PRKCE: variants seen among roughly 807,000 people sequenced by gnomAD.
PRKCE encodes protein kinase C epsilon type.
Under a neutral mutation model 85.4 loss-of-function variants are expected in PRKCE, and 16 were observed. The observed-to-expected ratio is 0.19, with a 90% CI of 0.13 to 0.28. The LOEUF is 0.28. Ranked by LOEUF, PRKCE falls within the 10% of genes least tolerant of loss-of-function variation. The pLI is 1.00. For missense variants in PRKCE, 573 were observed against 975.2 expected (o/e 0.59, Z 5.49); for synonymous variants, 388 against 371.5 (o/e 1.04, Z -0.51).
rs1456346504 is a variant in PRKCE, at chr2:46,184,481, T to C, written c.2068-254T>C. Among the ~76,000 whole-genome samples, 1 of 151,304 alleles carries C rather than the reference T, an allele frequency of 6.6e-6. No individual in the cohort carries two copies. The highest frequency in any genetic ancestry group is 6.6e-5 in the Admixed American group (1 of 15,218). On this transcript the variant is annotated intron_variant, in intron 14 of 14. Transcript: ENST00000306156. The surrounding 1 kb of genome is among the most constrained non-coding windows in gnomAD (Gnocchi z 5.0). ...CACACACGTCTGTGGGAATCCCACT[T>C]CCCTGCTTTTCCATCATACCCTCTC...
At chr2:45,847,241 G>C (rs538000542) in intron 2 of PRKCE, among the ~76,000 whole-genome samples, 1 of 152,342 alleles carries the variant, frequency 6.6e-6, no homozygotes, top group East Asian at 1.9e-4. Context: ...CTTAATGCTA[G>C]AGGCTTCTCC....
intron 6 of PRKCE, among the ~76,000 whole-genome samples, chr2:45,985,655 A>C (rs1015178172): frequency 6.6e-6 from 1 of 152,210 alleles, no homozygotes; most frequent in African/African-American, 2.4e-5. Flanking sequence ...TCAGGGCTGC[A>C]GTGGGAATGA....
rs1664871927 is a variant in PRKCE, at chr2:45,673,928, C to T, written c.348+21480C>T. 2.0e-5 allele frequency among the ~76,000 whole-genome samples: 3 copies of T among 152,324 alleles called. No homozygotes were observed. The South Asian group carries it at 6.2e-4, about 32-fold the overall frequency. On this transcript the variant is annotated intron_variant, in intron 1 of 14. Coordinates refer to ENST00000306156, the MANE Select transcript of PRKCE (RefSeq NM_005400.3). ...AGAGACCCACTCTTCCTCCTCTTTC[C>T]TGAATCAGGTCAGGGTGAATATTAT...
rs764998130 is a variant in PRKCE, at chr2:46,145,068, A to T, written c.1593-25A>T. ...ATATTGGGGTGAGTGACGTATTGAC[A>T]TTATGGTCCTGGCCTATCTTGCAGG... On this transcript the variant is annotated intron_variant, in intron 11 of 14. Transcript: ENST00000306156. This position sits in a 1 kb window ranked among gnomAD's most constrained non-coding sequence, Gnocchi z 4.6. 7 of 1,599,590 alleles carry T rather than the reference A, an allele frequency of 4.4e-6. No homozygotes were observed. The Admixed American group carries it at 1.2e-4, about 27-fold the overall frequency.
chr2:46,080,655 A>T (rs1668984316), intron 10 of PRKCE, among the ~76,000 whole-genome samples: 1 of 152,200 alleles, frequency 6.6e-6, no homozygotes, highest in South Asian at 2.1e-4. Context: ...TGCTCCCTGG[A>T]GTGAAGGTTG....
chr2:45,849,175 G>C (rs988300957), intron 2 of PRKCE, among the ~76,000 whole-genome samples: 1 of 152,210 alleles, frequency 6.6e-6, no homozygotes, highest in Non-Finnish European at 1.5e-5. Context: ...GAAGATTGAA[G>C]GCAGTTCCTT....
intron 11 of PRKCE, among the ~76,000 whole-genome samples, chr2:46,097,830 C>G (rs1670855097): frequency 6.6e-6 from 1 of 152,178 alleles, no homozygotes; most frequent in African/African-American, 2.4e-5. Flanking sequence ...ATCTTTATCC[C>G]AAACTGATTC....
At chr2:45,862,606 G>A (rs1693257020) in intron 2 of PRKCE, among the ~76,000 whole-genome samples, 1 of 152,188 alleles carries the variant, frequency 6.6e-6, no homozygotes, top group African/African-American at 2.4e-5. Flanking sequence ...CTGGAGCTGG[G>A]CTCAGTCACT....
chr2:45,786,273 T>G lies in PRKCE; in HGVS notation c.349-56727T>G, dbSNP rs962603055. Among the ~76,000 whole-genome samples the G allele has an allele frequency of 7.9e-5, 12 of 152,326 alleles. No homozygotes were observed. Among genetic ancestry groups the G allele is most frequent in the Non-Finnish European group, 1.5e-4 (10 of 68,012 alleles). ...CCTGTCCAGCGTCTCTGTGTCTCCC[T>G]GGCCTGGCCACACAGTAGAATTCAT... On this transcript the variant is annotated intron_variant, in intron 1 of 14. Transcript: ENST00000306156. This position sits in a 1 kb window ranked among gnomAD's most constrained non-coding sequence, Gnocchi z 5.3.
At chr2:45,933,958 A>G (rs1357592980) in intron 2 of PRKCE, among the ~76,000 whole-genome samples, 3 of 152,156 alleles carry the variant, frequency 2.0e-5, no homozygotes, top group Non-Finnish European at 4.4e-5. Context: ...TGTTTTTCTA[A>G]AGAGTTGCAT....
At chr2:46,162,730 G>C (rs1052767241) in intron 14 of PRKCE, among the ~76,000 whole-genome samples, 3 of 152,182 alleles carry the variant, frequency 2.0e-5, no homozygotes, top group Non-Finnish European at 2.9e-5. Flanking sequence ...GGTCTTTCAA[G>C]ACTTCTTCAA....
intron 2 of PRKCE, among the ~76,000 whole-genome samples, chr2:45,962,975 G>C (rs778164245): frequency 9.2e-5 from 14 of 152,182 alleles, no homozygotes; most frequent in Non-Finnish European, 1.5e-4. Context: ...ATTGAAGCAG[G>C]TTTTTGAAGC....
intron 1 of PRKCE, among the ~76,000 whole-genome samples, chr2:45,801,550 G>T (rs1263509388): frequency 6.6e-6 from 1 of 152,060 alleles, no homozygotes; most frequent in Non-Finnish European, 1.5e-5. Context: ...TGCTGCCCAG[G>T]TTTCCAGCTC....
At chr2:46,098,921 T>TTG (rs1670953636) in intron 11 of PRKCE, among the ~76,000 whole-genome samples, 3 of 151,602 alleles carry the variant, frequency 2.0e-5, no homozygotes, top group Non-Finnish European at 4.4e-5. Context: ...TGACTCAGGC[T>TTG]GGAGGTGGGG....
chr2:45,868,951 C>T (rs1392917917), intron 2 of PRKCE, among the ~76,000 whole-genome samples: 2 of 124,774 alleles, frequency 1.6e-5, no homozygotes, highest in African/African-American at 5.9e-5. Context: ...GAGCAACATC[C>T]TGTCTCAAAA....
chr2:46,125,501 G>T (rs1574536400), intron 11 of PRKCE, among the ~76,000 whole-genome samples: 1 of 152,188 alleles, frequency 6.6e-6, no homozygotes, highest in African/African-American at 2.4e-5. Flanking sequence ...GCTGTTACAT[G>T]CAGGCCTTAA....
chr2:45,709,432 T>G (rs923189704), intron 1 of PRKCE, among the ~76,000 whole-genome samples: 1 of 152,252 alleles, frequency 6.6e-6, no homozygotes, highest in African/African-American at 2.4e-5. Context: ...GACAAGGCCC[T>G]TCTCTGGCCC....
At chr2:45,818,050 G>A (rs1313512747) in intron 1 of PRKCE, among the ~76,000 whole-genome samples, 1 of 152,212 alleles carries the variant, frequency 6.6e-6, no homozygotes, top group Non-Finnish European at 1.5e-5. Flanking sequence ...TGAGACAAGA[G>A]GGTAGCACAT....
chr2:45,858,908 G>A (rs1375897290), intron 2 of PRKCE, among the ~76,000 whole-genome samples: 2 of 152,070 alleles, frequency 1.3e-5, no homozygotes, highest in African/African-American at 4.8e-5. Context: ...GGGCATGGTG[G>A]TGGGTGCCTG....
Sources: allele counts gnomAD v4.1 joint callset (sites outside exome capture counted in the v4.1 genomes callset), GRCh38; gene constraint gnomAD v4.1.1; non-coding constraint Gnocchi (gnomAD v3.1); transcripts MANE v1.5; gene names NCBI Gene and HGNC (gene_info 2026-07-23, HGNC 2026-07-21).